PPP6R3: variants seen among roughly 807,000 people sequenced by gnomAD.
The protein encoded by PPP6R3 is serine/threonine-protein phosphatase 6 regulatory subunit 3.
In PPP6R3, 38 loss-of-function variants were observed where a neutral mutation model predicts 110.7. The ratio of observed to expected loss-of-function variants is 0.34; its 90% CI spans 0.26 to 0.45. PPP6R3 has a LOEUF of 0.45. PPP6R3 is among the 20% of genes least tolerant of loss of function. The probability of loss-of-function intolerance (pLI) is 1.00; values close to 1 mark genes in which losing one functional copy is unlikely to be tolerated. For synonymous variants in PPP6R3, 369 were observed against 373.5 expected, an observed-to-expected ratio of 0.99 and a Z score of 0.14; for missense variants, 870 against 1,062.4, an observed-to-expected ratio of 0.82 and a Z score of 2.52.
rs183314180 is a variant in PPP6R3 at position 68,606,664 on chromosome 11, A to G, written c.2450+3172A>G. ...AGTTAAATACCAATACCAAAATGCT[A>G]CAGCAAAACTAACACCTAATGAGGA... On this transcript the variant is annotated intron_variant, in intron 22 of 23. Transcript: ENST00000393800. Among the ~76,000 whole-genome samples the G allele has an allele frequency of 2.2e-3, 330 of 152,298 alleles. 5 individuals carry two copies. The Middle Eastern group carries it at 0.024, about 11-fold the overall frequency.
At chr11:68,506,511 T>C (rs2099078559) in intron 1 of PPP6R3, among the ~76,000 whole-genome samples, 1 of 150,998 alleles carries the variant, frequency 6.6e-6, no homozygotes. Context: ...ATGTTATGAT[T>C]CATGTATACA....
At chr11:68,581,613 C>T (rs2099554862) in intron 14 of PPP6R3, among the ~76,000 whole-genome samples, 1 of 152,250 alleles carries the variant, frequency 6.6e-6, no homozygotes, top group Admixed American at 6.5e-5. Context: ...GCAGTACAAC[C>T]ACTTGACTTG....
chr11:68,583,340 T>C (rs1430594795), intron 15 of PPP6R3, among the ~76,000 whole-genome samples: 1 of 152,240 alleles, frequency 6.6e-6, no homozygotes, highest in African/African-American at 2.4e-5. Flanking sequence ...CCATCCCTGA[T>C]AACAGTGATG....
At chr11:68,612,894 A>G in intron 23 of PPP6R3, 172 bp from the exon 24 acceptor site, 1 of 1,325,682 alleles carries the variant, frequency 7.5e-7, no homozygotes, top group Non-Finnish European at 1.0e-6. Flanking sequence ...ACTCACTCAG[A>G]TTTTTCTAGA....
chr11:68,587,572 C>T, intron 15 of PPP6R3: 1 of 331,868 alleles, frequency 3.0e-6, no homozygotes, highest in South Asian at 2.6e-5. Flanking sequence ...TGGTTGTGTC[C>T]AGAGGTGACT....
rs986011427 is a variant in PPP6R3 at position 68,604,824 on chromosome 11, A to G, written c.2450+1332A>G. Among the ~76,000 whole-genome samples the G allele has an allele frequency of 2.0e-4, 30 of 152,374 alleles. No homozygotes were observed. In the South Asian group the frequency reaches 5.8e-3, roughly 29 times the overall value. On this transcript the variant is annotated intron_variant, in intron 22 of 23. Coordinates refer to ENST00000393800, the MANE Select transcript of PPP6R3 (RefSeq NM_001164161.2). Reference sequence around the variant, plus strand: ...CATGGAATATATTGAAGACCTGAATATAAATACCAAGATTTGCCATGTTTA... The same window carrying G: ...CATGGAATATATTGAAGACCTGAATGTAAATACCAAGATTTGCCATGTTTA...
At chr11:68,525,605 G>T (rs1298440649) in intron 2 of PPP6R3, among the ~76,000 whole-genome samples, 8 of 152,282 alleles carry the variant, frequency 5.3e-5, no homozygotes, top group African/African-American at 1.7e-4. Flanking sequence ...ATCAAAGTTT[G>T]CTAGGGAAGG....
chr11:68,500,244 C>G (rs990773219), intron 1 of PPP6R3, among the ~76,000 whole-genome samples: 1 of 151,376 alleles, frequency 6.6e-6, no homozygotes, highest in Non-Finnish European at 1.5e-5. Flanking sequence ...GTGTGATTTT[C>G]TAATTTTGGC....
intron 1 of PPP6R3, among the ~76,000 whole-genome samples, chr11:68,483,961 C>T (rs545115284): frequency 6.6e-6 from 1 of 152,328 alleles, no homozygotes; most frequent in South Asian, 2.1e-4. Context: ...TCCAGAATGT[C>T]ATACATTGTT....
chr11:68,578,630 C>T (rs550213886), intron 14 of PPP6R3, among the ~76,000 whole-genome samples: 1 of 152,326 alleles, frequency 6.6e-6, no homozygotes, highest in South Asian at 2.1e-4. Context: ...TTCATTTATA[C>T]ACTGAACACT....
intron 14 of PPP6R3, 25 bp downstream of exon 14, chr11:68,576,068 T>G: frequency 6.6e-7 from 1 of 1,522,478 alleles, no homozygotes; most frequent in Non-Finnish European, 9.1e-7. Context: ...GTTACATTTT[T>G]ATTCTTTCAG....
intron 1 of PPP6R3, among the ~76,000 whole-genome samples, chr11:68,461,336 A>G (rs1423934859): frequency 6.6e-6 from 1 of 152,002 alleles, no homozygotes; most frequent in Non-Finnish European, 1.5e-5. Context: ...TCGGGAAACA[A>G]GTTTTGTGGG....
chr11:68,495,307 C>G (rs1293234966), intron 1 of PPP6R3, among the ~76,000 whole-genome samples: 2 of 152,204 alleles, frequency 1.3e-5, no homozygotes, highest in Admixed American at 6.5e-5. Context: ...TTAGCACCTT[C>G]CTTTGCAAAT....
At chr11:68,606,825 T>C (rs1241642152) in intron 22 of PPP6R3, among the ~76,000 whole-genome samples, 1 of 152,176 alleles carries the variant, frequency 6.6e-6, no homozygotes, top group Non-Finnish European at 1.5e-5. Flanking sequence ...CTGTTGTTCT[T>C]TGCAGGTGGT....
Position 68,574,203 on chromosome 11 carries a change from T to C in PPP6R3, c.1438T>C (p.Leu480=), listed in dbSNP as rs139199854. ...HSTDKGPNSA[L]VQQLIKDLPD... Reference sequence around the variant, plus strand: ...CACTGACAAGGGCCCCAACAGTGCATTAGTGCAGCAGCTTATCAAAGGTAA... The same window carrying C: ...CACTGACAAGGGCCCCAACAGTGCACTAGTGCAGCAGCTTATCAAAGGTAA... The change falls in exon 13 of 24, where the codon TTA becomes CTA. Residue 480 remains leucine, a synonymous_variant. Coordinates refer to ENST00000393800, the MANE Select transcript of PPP6R3 (RefSeq NM_001164161.2). 633 of 1,613,464 alleles carry C rather than the reference T, an allele frequency of 3.9e-4. 2 individuals are homozygous for C. The highest frequency in any genetic ancestry group is 5.2e-4 in the Non-Finnish European group (611 of 1,179,514).
At chr11:68,557,325 T>A (rs1456738728) in intron 7 of PPP6R3, among the ~76,000 whole-genome samples, 1 of 152,074 alleles carries the variant, frequency 6.6e-6, no homozygotes, top group Non-Finnish European at 1.5e-5. Flanking sequence ...ACTAGTTTTG[T>A]TTCCCCAAAA....
intron 1 of PPP6R3, among the ~76,000 whole-genome samples, chr11:68,499,620 G>A (rs1262261571): frequency 5.9e-5 from 9 of 152,126 alleles, no homozygotes; most frequent in Admixed American, 5.9e-4. Flanking sequence ...CCAGGCTGGA[G>A]TGCAGTGGTG....
intron 3 of PPP6R3, among the ~76,000 whole-genome samples, chr11:68,542,402 T>TTTG (rs2099324113): frequency 9.0e-6 from 1 of 111,500 alleles, no homozygotes; most frequent in Non-Finnish European, 1.9e-5. Flanking sequence ...TTTTTTTTTT[T>TTTG]TTTTTTTTTA....
rs1195047214 is a variant in PPP6R3 at position 68,613,791 on chromosome 11, T to C, written c.*674T>C. The C allele has an allele frequency of 3.0e-6, 3 of 984,078 alleles. No homozygotes were observed. The highest frequency in any genetic ancestry group is 1.7e-5 in the African/African-American group (1 of 57,200). The allele number at this position is 984,078 out of a possible 1,614,324, so 61.0% of individuals were successfully genotyped here. A position where few individuals can be genotyped will look rare whatever the true frequency, so the allele number is the denominator to read the frequency against. ...TGCTACATCATAGTTGATAAATTGA[T>C]GTTATCGTAAAGCCATATGTTCTGT... On this transcript the variant is annotated 3_prime_UTR_variant, in exon 24 of 24. Transcript: ENST00000393800.
Sources: allele counts gnomAD v4.1 joint callset (sites outside exome capture counted in the v4.1 genomes callset), GRCh38; gene constraint gnomAD v4.1.1; transcripts MANE v1.5; gene names NCBI Gene and HGNC (gene_info 2026-07-23, HGNC 2026-07-21).